SLC9A7: variants seen among roughly 807,000 people sequenced by gnomAD.
The protein encoded by SLC9A7 is sodium/hydrogen exchanger 7.
A neutral mutation model predicts 52.6 loss-of-function variants in SLC9A7; 19 were observed. The observed-to-expected ratio is 0.36, with a 90% CI of 0.25 to 0.53. The LOEUF (loss-of-function observed/expected upper bound fraction) is 0.53. SLC9A7 is among the 20% of genes least tolerant of loss of function. The pLI, the probability that SLC9A7 is intolerant of heterozygous loss-of-function variation, is 0.91. For synonymous variants in SLC9A7, 226 were observed against 252.1 expected, an observed-to-expected ratio of 0.90 and a Z score of 0.98; for missense variants, 455 against 597.9, an observed-to-expected ratio of 0.76 and a Z score of 2.49.
At chrX:46,731,424 TAAAAAATTAA>T (rs1425678531) in intron 1 of SLC9A7, among the ~76,000 whole-genome samples, 1 of 44,634 alleles carries the variant, frequency 2.2e-5, no homozygotes, top group Non-Finnish European at 6.1e-5. Context: ...ATACTCCATA[TAAAAAATTAA>T]AAAAAATTAA....
chrX:46,651,773 A>G (rs1489575549), intron 8 of SLC9A7, among the ~76,000 whole-genome samples: 1 of 106,509 alleles, frequency 9.4e-6, no homozygotes, highest in South Asian at 4.2e-4. Context: ...GGCTGCAGTG[A>G]GCCATGATCA....
At chrX:46,675,061 ATGTGTGTGTGTGTGTGTGTGTGTGTG>A (rs397895552) in intron 3 of SLC9A7, among the ~76,000 whole-genome samples, 33 of 68,866 alleles carry the variant, frequency 4.8e-4, no homozygotes, top group African/African-American at 1.3e-3. Context: ...GAGAGAGTGA[ATGTGTGTGTGTGTGTGTGTGTGTGTG>A]TGTGTGTGTG....
rs1475969155 is a variant in SLC9A7, at chrX:46,651,155, G to T, written c.1305C>A (p.Thr435=). 2 of 1,209,853 alleles carry T rather than the reference G, an allele frequency of 1.7e-6. No individual in the cohort carries two copies. Among genetic ancestry groups the T allele is most frequent in the Non-Finnish European group, 2.2e-6 (2 of 894,359 alleles). Reference sequence around the variant, plus strand: ...TGGGGCTGAAAACGTGCTTCTGGAAGGTAAACAGTGCCAGGCCCATGTAGG... The same window carrying T: ...TGGGGCTGAAAACGTGCTTCTGGAATGTAAACAGTGCCAGGCCCATGTAGG... ...IFSYMGLALF[T]FQKHVFSPIF... The change falls in exon 10 of 17, where the codon ACC becomes ACA. Residue 435 remains threonine, a synonymous_variant. Coordinates refer to ENST00000616978, the MANE Select transcript of SLC9A7 (RefSeq NM_001257291.2).
chrX:46,681,917 G>A (rs1387196463), intron 2 of SLC9A7, among the ~76,000 whole-genome samples: 2 of 112,001 alleles, frequency 1.8e-5, no homozygotes, highest in African/African-American at 6.5e-5. Flanking sequence ...GAACCACGAA[G>A]AACTAAGAAT....
chrX:46,653,795 C>T, intron 7 of SLC9A7, 81 bp from the exon 8 acceptor site: 1 of 689,142 alleles, frequency 1.5e-6, no homozygotes, highest in Non-Finnish European at 2.2e-6. Context: ...CCCAGGACCC[C>T]TCCCCAAAGG....
intron 14 of SLC9A7, among the ~76,000 whole-genome samples, chrX:46,629,842 T>G (rs1943193589): frequency 8.9e-6 from 1 of 111,765 alleles, no homozygotes; most frequent in Non-Finnish European, 1.9e-5. Context: ...TCTCCCAAAC[T>G]GTTATACTCT....
chrX:46,694,896 C>T (rs1944428146), intron 1 of SLC9A7, among the ~76,000 whole-genome samples: 1 of 112,024 alleles, frequency 8.9e-6, no homozygotes, highest in Non-Finnish European at 1.9e-5. Context: ...GAAAAAGGAA[C>T]GAACTTGATA....
At chrX:46,684,168 C>T (rs1465206477) in intron 1 of SLC9A7, among the ~76,000 whole-genome samples, 1 of 111,709 alleles carries the variant, frequency 9.0e-6, no homozygotes, top group Non-Finnish European at 1.9e-5. Context: ...AATTTGAAAA[C>T]CTTTAAAGGC....
intron 1 of SLC9A7, among the ~76,000 whole-genome samples, chrX:46,731,186 A>G (rs1353685208): frequency 9.1e-6 from 1 of 109,676 alleles, no homozygotes; most frequent in African/African-American, 3.3e-5. Context: ...ATGAAAGAGA[A>G]GGCATCTCAA....
intron 1 of SLC9A7, among the ~76,000 whole-genome samples, chrX:46,702,131 A>G (rs5906259): frequency 9.1e-6 from 1 of 109,766 alleles, no homozygotes; most frequent in Non-Finnish European, 1.9e-5. Flanking sequence ...AGTCAACCAG[A>G]TTGACACATG....
chrX:46,744,850 A>C (rs1308702416), intron 1 of SLC9A7, among the ~76,000 whole-genome samples: 7 of 111,825 alleles, frequency 6.3e-5, no homozygotes, highest in African/African-American at 2.3e-4. Flanking sequence ...ATTGAAGAAC[A>C]ACCAGAAGCT....
At chrX:46,675,144 C>T (rs924286403) in intron 3 of SLC9A7, among the ~76,000 whole-genome samples, 16 of 99,833 alleles carry the variant, frequency 1.6e-4, no homozygotes, top group Middle Eastern at 0.011. Context: ...CCACCAATAA[C>T]GGCTTCTATG....
intron 11 of SLC9A7, among the ~76,000 whole-genome samples, chrX:46,644,489 G>A (rs185342380): frequency 9.0e-6 from 1 of 111,182 alleles, no homozygotes; most frequent in Admixed American, 9.5e-5. Flanking sequence ...TACAAAAATT[G>A]GCCAGGCATG....
intron 14 of SLC9A7, among the ~76,000 whole-genome samples, chrX:46,629,198 C>T (rs914013195): frequency 1.3e-4 from 14 of 111,450 alleles, no homozygotes; most frequent in Non-Finnish European, 2.6e-4. Flanking sequence ...AGGAGTGCAG[C>T]GCGAGTGGCT....
At chrX:46,673,946 T>A (rs1315930951) in intron 3 of SLC9A7, among the ~76,000 whole-genome samples, 1 of 112,494 alleles carries the variant, frequency 8.9e-6, no homozygotes, top group African/African-American at 3.2e-5. Context: ...GCCTCTTAAA[T>A]AACCGCCTTT....
chrX:46,669,298 G>A (rs1326641048), intron 5 of SLC9A7, among the ~76,000 whole-genome samples: 3 of 110,042 alleles, frequency 2.7e-5, no homozygotes, highest in African/African-American at 6.6e-5. Context: ...CTGTAGTCCC[G>A]CTGCTTGGGA....
chrX:46,758,920 G>A lies in SLC9A7; in HGVS notation c.110C>T (p.Ala37Val). The part of the protein sequence containing the change: ...LLLGWGLRVA[A>V]AASASSSGAA... ...CCCAGAGGAGGAGGCCGAGGCCGCG[G>A]CCGCGACTCGCAGCCCCCAACCCAG... The change falls in exon 1 of 17, where the codon GCC (alanine) becomes GTC (valine). Residue 37 changes from alanine to valine, a missense_variant. Coordinates refer to ENST00000616978, the MANE Select transcript of SLC9A7 (RefSeq NM_001257291.2). 7.0e-6 allele frequency: 8 copies of A among 1,149,907 alleles called. No individual in the cohort carries two copies. Among genetic ancestry groups the A allele is most frequent in the Non-Finnish European group, 9.2e-6 (8 of 867,941 alleles). The allele number at this position is 1,149,907 out of a possible 1,213,427, so 94.8% of individuals were successfully genotyped here. A position where few individuals can be genotyped will look rare whatever the true frequency, so the allele number is the denominator to read the frequency against.
rs143593504 is a variant in SLC9A7 at position 46,738,508 on chromosome X, G to A, written c.325+20197C>T. On this transcript the variant is annotated intron_variant, in intron 1 of 16. Coordinates refer to ENST00000616978, the MANE Select transcript of SLC9A7 (RefSeq NM_001257291.2). ...AGCATTGCCTGGCATGGTGGCTCATGCCTGTAATCCCAGTACTTTGGGAGG... is the reference window on the plus strand; with the variant it reads ...AGCATTGCCTGGCATGGTGGCTCATACCTGTAATCCCAGTACTTTGGGAGG... Among the ~76,000 whole-genome samples the A allele has an allele frequency of 5.8e-3, 647 of 112,221 alleles. 4 individuals carry two copies. Among genetic ancestry groups the A allele is most frequent in the African/African-American group, 0.02 (620 of 30,925 alleles).
intron 1 of SLC9A7, among the ~76,000 whole-genome samples, chrX:46,719,952 G>A (rs987195780): frequency 1.8e-5 from 2 of 111,520 alleles, no homozygotes; most frequent in Non-Finnish European, 3.8e-5. Context: ...ATTGTTTTTT[G>A]AGAAACTAGT....
Sources: allele counts gnomAD v4.1 joint callset (sites outside exome capture counted in the v4.1 genomes callset), GRCh38; gene constraint gnomAD v4.1.1; transcripts MANE v1.5; gene names NCBI Gene and HGNC (gene_info 2026-07-23, HGNC 2026-07-21).